Variants in RNF38 observed in about 807,000 individuals in gnomAD.
RNF38 encodes ring finger protein 38.
In RNF38, 15 loss-of-function variants were observed where a neutral mutation model predicts 67.2. The ratio of observed to expected loss-of-function variants is 0.22; its 90% CI spans 0.15 to 0.34. The LOEUF is 0.34. RNF38 is among the 10% of genes least tolerant of loss of function. The pLI, the probability that RNF38 is intolerant of heterozygous loss-of-function variation, is 1.00. For missense variants in RNF38, 524 were observed against 639.9 expected, an observed-to-expected ratio of 0.82 and a Z score of 1.95; for synonymous variants, 220 against 218.8, an observed-to-expected ratio of 1.01 and a Z score of -0.05.
chr9:36,389,378 A>G (rs1836897789), intron 2 of RNF38, among the ~76,000 whole-genome samples: 1 of 151,570 alleles, frequency 6.6e-6, no homozygotes, highest in Non-Finnish European at 1.5e-5. Context: ...TATTGGTGGC[A>G]GTATTAAGGG....
chr9:36,427,125 C>A (rs943564022), intron 1 of RNF38, among the ~76,000 whole-genome samples: 2 of 152,320 alleles, frequency 1.3e-5, no homozygotes, highest in South Asian at 2.1e-4. Flanking sequence ...GTCTCTCCAG[C>A]CACATAATAG....
chr9:36,398,566 G>A (rs1180884399), intron 1 of RNF38, among the ~76,000 whole-genome samples: 2 of 152,006 alleles, frequency 1.3e-5, no homozygotes, highest in Admixed American at 6.5e-5. Flanking sequence ...AGATAACGTC[G>A]TATTAATTAA....
intron 8 of RNF38, among the ~76,000 whole-genome samples, chr9:36,352,200 C>A (rs1178898238): frequency 2.6e-5 from 4 of 151,518 alleles, no homozygotes; most frequent in Admixed American, 2.0e-4. Flanking sequence ...CTTGGGAGGC[C>A]GAGGCAGGAA....
intron 9 of RNF38, among the ~76,000 whole-genome samples, chr9:36,349,888 T>C (rs1031945681): frequency 6.6e-6 from 1 of 152,176 alleles, no homozygotes; most frequent in Non-Finnish European, 1.5e-5. Flanking sequence ...TCTTGCTCTG[T>C]CACTCAGCCC....
At chr9:36,432,175 C>G in intron 1 of RNF38, among the ~76,000 whole-genome samples, 1 of 151,626 alleles carries the variant, frequency 6.6e-6, no homozygotes, top group Non-Finnish European at 1.5e-5. Flanking sequence ...CACTCTATTG[C>G]ACAGGCTGGA....
chr9:36,422,399 G>A lies in RNF38; in HGVS notation n.312+2214C>T, dbSNP rs370676399. ...ACCACTGCACTCCAGCCTGAGCAAC[G>A]AAGGGAGACTCAGTCTACCCACCAA... On this transcript the variant is annotated intron_variant and non_coding_transcript_variant, in intron 2 of 3. Coordinates refer to the RNF38 transcript ENST00000488058. Among the ~76,000 whole-genome samples, 5 of 151,108 alleles carry A rather than the reference G, an allele frequency of 3.3e-5. No individual in the cohort carries two copies. The East Asian group carries it at 5.8e-4, about 18-fold the overall frequency.
Position 36,400,148 on chromosome 9 carries a change from A to G in RNF38, c.-40T>C. On this transcript the variant is annotated 5_prime_UTR_variant, in exon 1 of 12. Transcript: ENST00000259605. ...AAACTTTATTTCTTTTTGGACCTCA[A>G]TAACCTGAAACACTCCCGTTTCAAA... is the stretch of plus-strand genomic sequence containing the variant. The G allele has an allele frequency of 1.2e-6, 2 of 1,610,360 alleles. No homozygotes were observed. Among genetic ancestry groups the G allele is most frequent in the South Asian group, 1.1e-5 (1 of 90,794 alleles).
chr9:36,339,982 AG>A (rs1832721810), intron 11 of RNF38, among the ~76,000 whole-genome samples, 168 bp from the exon 12 acceptor site: 2 of 11,330 alleles, frequency 1.8e-4, no homozygotes, highest in Non-Finnish European at 6.6e-4. Context: ...GAATTAGCCC[AG>A]GAATTTTTTT....
chr9:36,427,338 C>A (rs560466838), intron 1 of RNF38, among the ~76,000 whole-genome samples: 1 of 152,328 alleles, frequency 6.6e-6, no homozygotes, highest in East Asian at 1.9e-4. Flanking sequence ...CCATCAGTCC[C>A]TCCACCTACA....
intron 1 of RNF38, among the ~76,000 whole-genome samples, chr9:36,456,438 A>C (rs947146458): frequency 2.6e-5 from 4 of 152,202 alleles, no homozygotes; most frequent in African/African-American, 9.6e-5. Context: ...TAAGTCACTA[A>C]AATGCAAAGT....
chr9:36,374,611 T>G (rs1835651328), intron 3 of RNF38, among the ~76,000 whole-genome samples: 1 of 152,104 alleles, frequency 6.6e-6, no homozygotes. Flanking sequence ...CGTCTCAGCC[T>G]CCCGAGTAGC....
At chr9:36,410,372 G>A (rs958990305) in intron 2 of RNF38, among the ~76,000 whole-genome samples, 1 of 152,086 alleles carries the variant, frequency 6.6e-6, no homozygotes, top group Non-Finnish European at 1.5e-5. Context: ...TGTCGCCCAG[G>A]CTGGAGTGCA....
At chr9:36,448,326 C>T (rs1331187653) in intron 1 of RNF38, among the ~76,000 whole-genome samples, 1 of 152,228 alleles carries the variant, frequency 6.6e-6, no homozygotes, top group Non-Finnish European at 1.5e-5. Flanking sequence ...GCTGTATGTT[C>T]TAGCTGACTT....
chr9:36,428,306 C>T (rs1838840826), intron 1 of RNF38, among the ~76,000 whole-genome samples: 1 of 151,718 alleles, frequency 6.6e-6, no homozygotes, highest in Non-Finnish European at 1.5e-5. Context: ...ATCCCAGCTA[C>T]TCAGGATGCT....
chr9:36,406,156 G>A (rs1016656424), upstream of RNF38, among the ~76,000 whole-genome samples: 1 of 152,170 alleles, frequency 6.6e-6, no homozygotes, highest in Non-Finnish European at 1.5e-5. Context: ...ACCGATGTTG[G>A]GGGGAAGAAT....
chr9:36,405,720 A>T (rs142777595), upstream of RNF38, among the ~76,000 whole-genome samples: 1 of 151,652 alleles, frequency 6.6e-6, no homozygotes, highest in East Asian at 1.9e-4. Flanking sequence ...AAGGCAAAAC[A>T]ACTGTAATCT....
chr9:36,483,415 T>C (rs1457998142), intron 1 of RNF38, among the ~76,000 whole-genome samples: 1 of 147,836 alleles, frequency 6.8e-6, no homozygotes, highest in African/African-American at 2.7e-5. Flanking sequence ...ACCTGGGCAA[T>C]GCTGCACCTC....
chr9:36,451,059 T>G (rs942214411), intron 1 of RNF38, among the ~76,000 whole-genome samples: 3 of 152,150 alleles, frequency 2.0e-5, no homozygotes, highest in Admixed American at 1.3e-4. Flanking sequence ...ACCAATGCAG[T>G]GCAAAGAGAA....
chr9:36,393,523 G>GTGTGTGTGTGT (rs1554689616), intron 1 of RNF38, among the ~76,000 whole-genome samples: 15 of 83,564 alleles, frequency 1.8e-4, no homozygotes, highest in Admixed American at 3.1e-4. Flanking sequence ...GTGTGTGTGT[G>GTGTGTGTGTGT]GGGCAGGCAG....
Sources: gnomAD v4.1 joint callset for allele counts (sites outside exome capture counted in the v4.1 genomes callset) on GRCh38, gnomAD v4.1.1 for gene constraint, MANE v1.5 for transcripts, NCBI Gene and HGNC (gene_info 2026-07-23, HGNC 2026-07-21) for gene names.